EPHA6: variants seen among roughly 807,000 people sequenced by gnomAD.
The protein encoded by EPHA6 is EPH receptor A6, also known as ephrin type-A receptor 6.
In EPHA6, 50 loss-of-function variants were observed where a neutral mutation model predicts 112.0. The ratio of observed to expected loss-of-function variants is 0.45; its 90% CI spans 0.36 to 0.56. The LOEUF is 0.56. Ranked by LOEUF, EPHA6 falls within the 20% of genes least tolerant of loss-of-function variation. The probability of loss-of-function intolerance (pLI) is 0.00; values close to 1 mark genes in which losing one functional copy is unlikely to be tolerated. For missense variants in EPHA6, 1,280 were observed against 1,417.4 expected, an observed-to-expected ratio of 0.90 and a Z score of 1.56; for synonymous variants, 529 against 490.7, an observed-to-expected ratio of 1.08 and a Z score of -1.03.
intron 14 of EPHA6, among the ~76,000 whole-genome samples, chr3:97,718,807 C>T (rs1263909971): frequency 6.6e-6 from 1 of 152,014 alleles, no homozygotes; most frequent in African/African-American, 2.4e-5. Flanking sequence ...TTACAGAATC[C>T]CTGTGCTTAA....
intron 5 of EPHA6, among the ~76,000 whole-genome samples, chr3:97,266,366 C>T (rs751054014): frequency 2.0e-5 from 3 of 152,092 alleles, no homozygotes; most frequent in Non-Finnish European, 2.9e-5. Flanking sequence ...GTATTCTAAT[C>T]TCCATTTTAG....
intron 3 of EPHA6, among the ~76,000 whole-genome samples, chr3:97,030,368 C>A (rs1422841221): frequency 6.6e-6 from 1 of 152,088 alleles, no homozygotes; most frequent in African/African-American, 2.4e-5. Context: ...CTTTGGAGGA[C>A]ATGAGGTACA....
intron 1 of EPHA6, among the ~76,000 whole-genome samples, chr3:96,850,812 C>T (rs550164444): frequency 1.3e-5 from 2 of 151,916 alleles, no homozygotes; most frequent in Non-Finnish European, 2.9e-5. Context: ...ATTAATGTTA[C>T]TATCAGATTT....
At chr3:97,591,370 T>C (rs192746365) in intron 11 of EPHA6, among the ~76,000 whole-genome samples, 29 of 152,308 alleles carry the variant, frequency 1.9e-4, no homozygotes, top group African/African-American at 6.0e-4. Flanking sequence ...AAATTTTAAC[T>C]TATTTTTGGT....
intron 3 of EPHA6, among the ~76,000 whole-genome samples, chr3:97,201,043 G>A (rs531113574): frequency 3.3e-5 from 5 of 152,106 alleles, no homozygotes; most frequent in Non-Finnish European, 7.4e-5. Context: ...GAAAATAGAG[G>A]AAAACATGTC....
At chr3:97,165,523 A>G (rs1234657217) in intron 3 of EPHA6, among the ~76,000 whole-genome samples, 2 of 152,128 alleles carry the variant, frequency 1.3e-5, no homozygotes, top group African/African-American at 4.8e-5. Flanking sequence ...ATATATCTAC[A>G]GTGTCTGGTT....
In EPHA6 at chr3:96,875,521, G is replaced by T. The variant is rs1469475096; in HGVS notation, c.450+8632G>T. Reference sequence around the variant, plus strand: ...TTGTAGAATGATGAAATTCTATGGTGAGGAAGAAAAGTAACAGAAAAGCAG... The same window carrying T: ...TTGTAGAATGATGAAATTCTATGGTTAGGAAGAAAAGTAACAGAAAAGCAG... On this transcript the variant is annotated intron_variant, in intron 2 of 17. Transcript: ENST00000389672. 5.3e-5 allele frequency among the ~76,000 whole-genome samples: 8 copies of T among 152,196 alleles called. No homozygotes were observed. In the East Asian group the frequency reaches 1.5e-3, roughly 29 times the overall value.
chr3:96,991,123 G>A (rs577644176), intron 3 of EPHA6, among the ~76,000 whole-genome samples: 29 of 152,166 alleles, frequency 1.9e-4, no homozygotes, highest in Admixed American at 1.2e-3. Flanking sequence ...CCAAAGTGCT[G>A]TGATTGCAGG....
chr3:97,226,208 A>C (rs1022851633), intron 3 of EPHA6, 56 bp from the exon 4 acceptor site: 3 of 1,461,720 alleles, frequency 2.1e-6, no homozygotes, highest in Non-Finnish European at 2.8e-6. Flanking sequence ...GTACATGTAC[A>C]AATAAAAGAA....
At chr3:96,830,975 GTA>G (rs994816743) in intron 1 of EPHA6, among the ~76,000 whole-genome samples, 9 of 151,676 alleles carry the variant, frequency 5.9e-5, no homozygotes, top group African/African-American at 2.2e-4. Context: ...CATTTTATAT[GTA>G]TATATATACA....
rs143814323 is a variant in EPHA6, at chr3:97,509,949, C to G, written c.2201-22409C>G. Among the ~76,000 whole-genome samples, 119 of 152,240 alleles carry G rather than the reference C, an allele frequency of 7.8e-4. 1 individual carries two copies. The highest frequency in any genetic ancestry group is 2.6e-3 in the African/African-American group (110 of 41,548). On this transcript the variant is annotated intron_variant, in intron 10 of 17. Transcript: ENST00000389672. ...ATTTCATTAAATTGATCTTTAATCTCTGATATCTTTTCTTCCACTTGATCA... is the reference window on the plus strand; with the variant it reads ...ATTTCATTAAATTGATCTTTAATCTGTGATATCTTTTCTTCCACTTGATCA...
chr3:97,362,238 A>C (rs1390821644), intron 5 of EPHA6, among the ~76,000 whole-genome samples: 1 of 152,108 alleles, frequency 6.6e-6, no homozygotes, highest in African/African-American at 2.4e-5. Context: ...CTAATGATTG[A>C]GTTTAATAGA....
At chr3:97,142,251 TAAC>T (rs2075926916) in intron 3 of EPHA6, among the ~76,000 whole-genome samples, 1 of 151,988 alleles carries the variant, frequency 6.6e-6, no homozygotes, top group African/African-American at 2.4e-5. Context: ...TGCTTAGAAA[TAAC>T]AACAAGAACA....
intron 14 of EPHA6, among the ~76,000 whole-genome samples, chr3:97,686,624 C>G (rs1159166008): frequency 2.0e-5 from 3 of 152,200 alleles, no homozygotes; most frequent in African/African-American, 7.2e-5. Flanking sequence ...ATCTTCTCTA[C>G]TGCATAACAC....
chr3:97,364,667 C>T (rs1463208767), intron 5 of EPHA6, among the ~76,000 whole-genome samples: 2 of 151,902 alleles, frequency 1.3e-5, no homozygotes, highest in Admixed American at 6.6e-5. Context: ...TGTAATTATT[C>T]GCCCTCAGCA....
chr3:96,851,953 G>A (rs969326398), intron 1 of EPHA6, among the ~76,000 whole-genome samples: 18 of 152,094 alleles, frequency 1.2e-4, no homozygotes, highest in African/African-American at 3.1e-4. Flanking sequence ...GAGAAATATC[G>A]TCTTTAAGAG....
chr3:97,687,615 A>T (rs946964573), intron 14 of EPHA6, among the ~76,000 whole-genome samples: 6 of 152,226 alleles, frequency 3.9e-5, no homozygotes, highest in Non-Finnish European at 8.8e-5. Flanking sequence ...CTTTCCACAT[A>T]GTTTCTTTTC....
At chr3:96,952,044 GTTC>G (rs1335664860) in intron 2 of EPHA6, among the ~76,000 whole-genome samples, 2 of 152,086 alleles carry the variant, frequency 1.3e-5, no homozygotes, top group African/African-American at 4.8e-5. Flanking sequence ...GACAGTCAAG[GTTC>G]TTGGAAAATT....
chr3:97,008,676 G>T (rs1377447643), intron 3 of EPHA6, among the ~76,000 whole-genome samples: 1 of 152,200 alleles, frequency 6.6e-6, no homozygotes, highest in South Asian at 2.1e-4. Context: ...GTAATCATTT[G>T]GTTGAGAAGA....
Sources: allele counts gnomAD v4.1 joint callset (sites outside exome capture counted in the v4.1 genomes callset), GRCh38; gene constraint gnomAD v4.1.1; transcripts MANE v1.5; gene names NCBI Gene and HGNC (gene_info 2026-07-23, HGNC 2026-07-21).